GPN3: variants seen among roughly 807,000 people sequenced by gnomAD.
The protein encoded by GPN3 is ATP-binding domain 1 family member C.
Under a neutral mutation model 38.7 loss-of-function variants are expected in GPN3, and 31 were observed. That is an observed-to-expected ratio of 0.80 (90% confidence interval 0.60 to 1.08). The LOEUF (loss-of-function observed/expected upper bound fraction) is 1.08, where lower values mean the gene tolerates loss of function less well. Among genes scored for constraint, GPN3 ranks in the 50% least tolerant of loss-of-function variants. GPN3 has a pLI of 0.00. For synonymous variants in GPN3, 116 were observed against 120.2 expected (o/e 0.96, Z 0.23); for missense variants, 301 against 354.4 (o/e 0.85, Z 1.21).
chr12:110,465,078 G>A (rs2062617619), intron 2 of GPN3, 28 bp downstream of exon 2: 2 of 1,168,436 alleles, frequency 1.7e-6, no homozygotes, highest in Admixed American at 1.7e-5. Context: ...GTTCCTGAAG[G>A]TGGGGGGAGC....
Position 110,457,605 on chromosome 12 carries a change from C to G in GPN3, c.355G>C (p.Val119Leu), listed in dbSNP as rs1425870651. The G allele has an allele frequency of 4.4e-6, 7 of 1,605,742 alleles. No individual in the cohort carries two copies. Among genetic ancestry groups the G allele is most frequent in the Non-Finnish European group, 6.0e-6 (7 of 1,174,564 alleles). The change falls in exon 4 of 8, where the codon GTG (valine) becomes CTG (leucine). Residue 119 changes from valine (V) to leucine (L), a missense_variant. Physicochemically the swap from Val to Leu is conservative, Grantham distance 32. Transcript: ENST00000228827. ...AGCTGCTGGACCAGCTGTTTCATCA[C>G]AGGCAGGTGAGTGTACAACTCAATC... Reference protein sequence around the residue: ...GQIELYTHLPVMKQLVQQLEQ... With the variant: ...GQIELYTHLPLMKQLVQQLEQ...
intron 4 of GPN3, 126 bp from the exon 5 acceptor site, chr12:110,456,056 G>A (rs1178060634): frequency 6.6e-6 from 4 of 609,382 alleles, no homozygotes; most frequent in East Asian, 2.8e-5. Flanking sequence ...CAAGCTGGAC[G>A]TGGTGGCTCA....
At chr12:110,459,894 G>A (rs2062575404) in intron 2 of GPN3, 32 bp from the exon 3 acceptor site, 1 of 1,557,298 alleles carries the variant, frequency 6.4e-7, no homozygotes, top group Non-Finnish European at 8.8e-7. Context: ...CAGAATATAT[G>A]TGTCCCTTCA....
At chr12:110,453,277 C>T (rs1032696320) in intron 7 of GPN3, among the ~76,000 whole-genome samples, 181 bp from the exon 8 acceptor site, 1 of 151,948 alleles carries the variant, frequency 6.6e-6, no homozygotes, top group African/African-American at 2.4e-5. Flanking sequence ...GATTTTTTTC[C>T]AGTTATGTAG....
upstream of GPN3, chr12:110,468,615 C>T: frequency 6.5e-7 from 1 of 1,537,242 alleles, no homozygotes; most frequent in East Asian, 2.4e-5. Context: ...AAGTGGAAGG[C>T]ACCTCTTGTT....
At chr12:110,460,958 C>T in intron 2 of GPN3, 1 of 1,046,630 alleles carries the variant, frequency 9.6e-7, no homozygotes, top group Admixed American at 1.7e-5. Flanking sequence ...AGCAAGACTC[C>T]ATCTCACTTT....
chr12:110,456,608 G>C (rs551069811), intron 4 of GPN3, among the ~76,000 whole-genome samples: 1 of 151,508 alleles, frequency 6.6e-6, no homozygotes, highest in Non-Finnish European at 1.5e-5. Context: ...TCATAAACTG[G>C]ACAAAAGGTC....
At chr12:110,463,606 CAAAAAAAAAAAAAAAAAAAAA>C (rs60072879) in intron 2 of GPN3, among the ~76,000 whole-genome samples, 5 of 64,286 alleles carry the variant, frequency 7.8e-5, no homozygotes, top group African/African-American at 2.0e-4. Flanking sequence ...CCTGTCTCTA[CAAAAAAAAAAAAAAAAAAAAA>C]AAAAAAAAAA....
upstream of GPN3, chr12:110,468,369 A>G: frequency 6.6e-7 from 1 of 1,523,148 alleles, no homozygotes; most frequent in Non-Finnish European, 8.8e-7. Context: ...CCCGTGAGAA[A>G]CGCGTCCTGA....
chr12:110,463,924 G>C (rs924509276), intron 2 of GPN3, among the ~76,000 whole-genome samples: 1 of 152,026 alleles, frequency 6.6e-6, no homozygotes, highest in African/African-American at 2.4e-5. Context: ...CTTTCTTTCA[G>C]ACATTACGCT....
At chr12:110,459,150 T>G (rs984128514) in intron 3 of GPN3, among the ~76,000 whole-genome samples, 5 of 152,228 alleles carry the variant, frequency 3.3e-5, no homozygotes, top group East Asian at 1.9e-4. Context: ...CTGCCAAATG[T>G]GAGCTCCATG....
At chr12:110,454,741 C>T (rs945754210) in intron 6 of GPN3, among the ~76,000 whole-genome samples, 1 of 151,934 alleles carries the variant, frequency 6.6e-6, no homozygotes, top group African/African-American at 2.4e-5. Flanking sequence ...TGGCTCACTA[C>T]AGCCTTGACC....
At chr12:110,467,640 C>T (rs1427402374) in intron 1 of GPN3, among the ~76,000 whole-genome samples, 1 of 152,064 alleles carries the variant, frequency 6.6e-6, no homozygotes, top group East Asian at 1.9e-4. Flanking sequence ...GGAACAATTT[C>T]CCTAACACAT....
intron 6 of GPN3, among the ~76,000 whole-genome samples, chr12:110,454,500 G>A (rs1446398880): frequency 6.7e-6 from 1 of 150,280 alleles, no homozygotes; most frequent in Non-Finnish European, 1.5e-5. Context: ...TTACAGGTGT[G>A]CCCTACCATG....
chr12:110,459,733 C>T lies in GPN3; in HGVS notation c.287G>A (p.Gly96Asp). 1 of 1,613,136 alleles carries T rather than the reference C, an allele frequency of 6.2e-7. No homozygotes were observed. The highest frequency in any genetic ancestry group is 8.5e-7 in the Non-Finnish European group (1 of 1,179,112). Residue 96 changes from glycine to aspartate, a missense_variant, in exon 3 of 8, where the codon GGC becomes GAC. By Grantham distance (94) the Gly-to-Asp change is moderately conservative. Coordinates refer to ENST00000228827, the MANE Select transcript of GPN3 (RefSeq NM_016301.4). Reference protein sequence around the residue: ...NNFDWLENCLGHVEDDYILFD... With the variant: ...NNFDWLENCLDHVEDDYILFD... ...AAGGATATAGTCGTCCTCTACATGG[C>T]CAAGACAGTTCTCCAGCCAGTCAAA...
chr12:110,456,356 G>C (rs529047562), intron 4 of GPN3, among the ~76,000 whole-genome samples: 1 of 146,942 alleles, frequency 6.8e-6, no homozygotes, highest in East Asian at 2.0e-4. Flanking sequence ...AAAAAGAAAT[G>C]CCAGTTCAGA....
rs2062564999 is a variant in GPN3 at position 110,458,432 on chromosome 12, AG to A, written c.326-799del. On this transcript the variant is annotated intron_variant, in intron 3 of 7. Coordinates refer to ENST00000228827, the MANE Select transcript of GPN3 (RefSeq NM_016301.4). The surrounding 1 kb of genome is among the most constrained non-coding windows in gnomAD (Gnocchi z 4.4). ...GTATATGTATGGTCAATTAAAAGCA[AG>A]GGGAAAAAAGTGAGGGCCATAAATG... Among the ~76,000 whole-genome samples, 1 of 152,214 alleles carries A rather than the reference AG, an allele frequency of 6.6e-6. No homozygotes were observed. Among genetic ancestry groups the A allele is most frequent in the African/African-American group, 2.4e-5 (1 of 41,460 alleles).
chr12:110,455,484 G>A (rs1294004711), intron 6 of GPN3, 102 bp downstream of exon 6: 10 of 674,970 alleles, frequency 1.5e-5, no homozygotes, highest in Non-Finnish European at 2.4e-5. Flanking sequence ...GGCTGGTCTT[G>A]AACTCCTGGA....
At chr12:110,462,882 C>G (rs1317102527) in intron 2 of GPN3, among the ~76,000 whole-genome samples, 1 of 152,170 alleles carries the variant, frequency 6.6e-6, no homozygotes, top group African/African-American at 2.4e-5. Flanking sequence ...TCAGCCTCCC[C>G]AGTAGCTGGG....
Sources: allele counts gnomAD v4.1 joint callset (sites outside exome capture counted in the v4.1 genomes callset), GRCh38; gene constraint gnomAD v4.1.1; non-coding constraint Gnocchi (gnomAD v3.1); transcripts MANE v1.5; gene names NCBI Gene and HGNC (gene_info 2026-07-23, HGNC 2026-07-21).